GTF3C2: variants seen among roughly 807,000 people sequenced by gnomAD.
The protein encoded by GTF3C2 is general transcription factor IIIC subunit 2.
GTF3C2 carries 17 observed loss-of-function variants against 117.4 expected under a neutral mutation model. That is an observed-to-expected ratio of 0.14 (90% confidence interval 0.10 to 0.22). The LOEUF is 0.22. Ranked by LOEUF, GTF3C2 falls within the 10% of genes least tolerant of loss-of-function variation. The pLI, the probability that GTF3C2 is intolerant of heterozygous loss-of-function variation, is 1.00. For synonymous variants in GTF3C2, 437 were observed against 427.0 expected, an observed-to-expected ratio of 1.02 and a Z score of -0.29; for missense variants, 888 against 1,143.6, an observed-to-expected ratio of 0.78 and a Z score of 3.22.
chr2:27,343,050 T>C (rs1680791795), exon 3 of GTF3C2: 8 of 1,613,700 alleles, frequency 5.0e-6, no homozygotes, highest in Non-Finnish European at 6.8e-6. Context: ...GATTAGGCTG[T>C]TGGGGCCTTT....
chr2:27,338,161 TTG>T (rs760498086), intron 4 of GTF3C2, 141 bp from the exon 5 acceptor site: 38 of 668,366 alleles, frequency 5.7e-5, no homozygotes, highest in Non-Finnish European at 8.6e-5. Flanking sequence ...CTTAAAAGAT[TTG>T]TGTTTCAACC....
chr2:27,345,201 T>G (rs1461204989), intron 1 of GTF3C2, among the ~76,000 whole-genome samples: 2 of 151,970 alleles, frequency 1.3e-5, no homozygotes, highest in South Asian at 4.2e-4. Flanking sequence ...GCCCAGGAGG[T>G]CGAGGCTGCA....
Sources: allele counts gnomAD v4.1 joint callset (sites outside exome capture counted in the v4.1 genomes callset), GRCh38; gene constraint gnomAD v4.1.1; transcripts MANE v1.5; gene names NCBI Gene and HGNC (gene_info 2026-07-23, HGNC 2026-07-21).